The following CSMD1 variants were observed in gnomAD, a reference collection of about 807,000 sequenced individuals.
CSMD1 encodes CUB and Sushi multiple domains 1.
Under a neutral mutation model 417.5 loss-of-function variants are expected in CSMD1, and 213 were observed. The observed-to-expected ratio is 0.51, with a 90% confidence interval of 0.46 to 0.57. The LOEUF is 0.57. CSMD1 is among the 20% of genes least tolerant of loss of function. The pLI is 0.00. For missense variants in CSMD1, 6,923 were observed against 4,529.7 expected, an observed-to-expected ratio of 1.53 and a Z score of -15.17; for synonymous variants, 2,862 against 1,736.8, an observed-to-expected ratio of 1.65 and a Z score of -16.11.
intron 2 of CSMD1, among the ~76,000 whole-genome samples, chr8:4,456,985 T>TTTAA (rs71207092): frequency 0.017 from 2,375 of 138,752 alleles, 37 homozygotes; most frequent in East Asian, 0.039. Context: ...GGTTTTTTTT[T>TTTAA]AAAAAAAAAA....
chr8:3,166,608 G>A (rs948977274), intron 37 of CSMD1, among the ~76,000 whole-genome samples: 5 of 152,108 alleles, frequency 3.3e-5, no homozygotes, highest in African/African-American at 7.2e-5. Flanking sequence ...TTAGAAGAAC[G>A]ATGTTTGCAT....
chr8:4,661,185 C>G (rs2126877), intron 1 of CSMD1, among the ~76,000 whole-genome samples: 4 of 152,100 alleles, frequency 2.6e-5, no homozygotes, highest in Non-Finnish European at 5.9e-5. Flanking sequence ...GCAGCGTTAT[C>G]TGGAATAAGC....
intron 2 of CSMD1, among the ~76,000 whole-genome samples, chr8:4,423,009 G>A (rs566375013): frequency 6.6e-6 from 1 of 152,092 alleles, no homozygotes; most frequent in South Asian, 2.1e-4. Flanking sequence ...AGTAACATAT[G>A]ATTGGAAGGA....
chr8:4,287,949 A>G (rs996627792), intron 3 of CSMD1, among the ~76,000 whole-genome samples: 4 of 152,120 alleles, frequency 2.6e-5, no homozygotes, highest in Non-Finnish European at 5.9e-5. Context: ...ACTTTTCTCC[A>G]GATAGCAAAT....
At chr8:4,363,948 A>G (rs1801923320) in intron 3 of CSMD1, among the ~76,000 whole-genome samples, 1 of 152,190 alleles carries the variant, frequency 6.6e-6, no homozygotes, top group African/African-American at 2.4e-5. Context: ...ACAAGTACAA[A>G]AAAGAAAGAA....
chr8:4,805,766 A>G (rs1004809817), intron 1 of CSMD1, among the ~76,000 whole-genome samples: 12 of 152,190 alleles, frequency 7.9e-5, no homozygotes. Context: ...CCATTAATGA[A>G]TACAGGATGA....
chr8:4,125,813 G>A lies in CSMD1; in HGVS notation c.416-93714C>T, dbSNP rs188223729. ...AATTGATCAATTGATAACAGCCCAA[G>A]AAGACCCCCATCTTACCTGGTGTCC... On this transcript the variant is annotated intron_variant, in intron 3 of 69. Coordinates refer to ENST00000635120, the MANE Select transcript of CSMD1 (RefSeq NM_033225.6). 2.6e-4 allele frequency among the ~76,000 whole-genome samples: 39 copies of A among 152,242 alleles called. No homozygotes were observed. The East Asian group carries it at 6.2e-3, about 24-fold the overall frequency.
intron 2 of CSMD1, among the ~76,000 whole-genome samples, chr8:4,444,819 A>G (rs973106459): frequency 6.6e-6 from 1 of 152,204 alleles, no homozygotes; most frequent in African/African-American, 2.4e-5. Flanking sequence ...TTGTGACCTC[A>G]GCCACAAGCC....
Position 3,586,251 on chromosome 8 carries a change from T to C in CSMD1, c.1107A>G (p.Ala369=). The stretch of plus-strand genomic sequence containing the variant: ...TGTCCTCACATGAAAACTGTACATT[T>C]GCACCAACCCTAAGCCGTTAAAAAA... ...RRAGSDFRVG[A]NVQFSCEDNY... Residue 369 remains alanine (A), a synonymous_variant, in exon 9 of 70, where the codon GCA becomes GCG. Coordinates refer to ENST00000635120, the MANE Select transcript of CSMD1 (RefSeq NM_033225.6). 2 of 1,606,272 alleles carry C rather than the reference T, an allele frequency of 1.2e-6. No individual in the cohort carries two copies. The highest frequency in any genetic ancestry group is 1.7e-6 in the Non-Finnish European group (2 of 1,177,684).
intron 68 of CSMD1, 29 bp from the exon 69 acceptor site, chr8:2,942,633 T>C: frequency 6.5e-7 from 1 of 1,528,106 alleles, no homozygotes; most frequent in Non-Finnish European, 8.8e-7. Context: ...ATTAAATTTG[T>C]TGTTACTGTA....
At chr8:2,977,301 C>G (rs1205811366) in intron 55 of CSMD1, among the ~76,000 whole-genome samples, 1 of 152,062 alleles carries the variant, frequency 6.6e-6, no homozygotes, top group Non-Finnish European at 1.5e-5. Flanking sequence ...TGTTGGTCCT[C>G]TCCCTGTGTC....
At chr8:4,051,327 T>C (rs973015301) in intron 3 of CSMD1, among the ~76,000 whole-genome samples, 1 of 142,828 alleles carries the variant, frequency 7.0e-6, no homozygotes, top group African/African-American at 2.9e-5. Context: ...AAAAAAGATA[T>C]GTACAAGTAA....
At chr8:3,645,577 G>A (rs1309380986) in intron 7 of CSMD1, among the ~76,000 whole-genome samples, 1 of 152,128 alleles carries the variant, frequency 6.6e-6, no homozygotes, top group African/African-American at 2.4e-5. Flanking sequence ...TCTTCTGCAA[G>A]GGATCATGGG....
chr8:3,196,773 G>A (rs574856758), intron 33 of CSMD1, among the ~76,000 whole-genome samples: 1 of 152,224 alleles, frequency 6.6e-6, no homozygotes, highest in South Asian at 2.1e-4. Flanking sequence ...TCTCCATACT[G>A]CTCCTTCCAT....
At chr8:4,936,327 C>G (rs910393365) in intron 1 of CSMD1, among the ~76,000 whole-genome samples, 7 of 151,966 alleles carry the variant, frequency 4.6e-5, no homozygotes, top group African/African-American at 1.7e-4. Context: ...CAAACAGGGA[C>G]AGGAAAAAAC....
rs532048038 is a variant in CSMD1 at position 3,764,902 on chromosome 8, C to T, written c.819-10860G>A. ...GTTGGGATTAAGGTGACTGCCACCA[C>T]ACCCAGCTCATTTTCGTATTTTTAG... On this transcript the variant is annotated intron_variant, in intron 5 of 69. Transcript: ENST00000635120. Among the ~76,000 whole-genome samples the T allele has an allele frequency of 8.6e-5, 13 of 151,980 alleles. No individual in the cohort carries two copies. In the South Asian group the frequency reaches 1.5e-3, roughly 17 times the overall value.
intron 1 of CSMD1, among the ~76,000 whole-genome samples, chr8:4,889,147 C>T (rs761905316): frequency 2.6e-5 from 4 of 152,000 alleles, no homozygotes; most frequent in Non-Finnish European, 5.9e-5. Context: ...TCATTAATCA[C>T]AAAAAGAACA....
intron 59 of CSMD1, among the ~76,000 whole-genome samples, chr8:2,964,196 C>T (rs1461882049): frequency 3.3e-5 from 5 of 152,230 alleles, no homozygotes; most frequent in African/African-American, 1.2e-4. Flanking sequence ...AAAAGAACAA[C>T]CGCTTGCATT....
chr8:4,632,673 G>C (rs192026540), intron 2 of CSMD1, among the ~76,000 whole-genome samples: 2 of 152,190 alleles, frequency 1.3e-5, no homozygotes, highest in Non-Finnish European at 2.9e-5. Context: ...CTTCAGGGCA[G>C]GTGTGAGTTC....
Sources: allele counts gnomAD v4.1 joint callset (sites outside exome capture counted in the v4.1 genomes callset), GRCh38; gene constraint gnomAD v4.1.1; transcripts MANE v1.5; gene names NCBI Gene and HGNC (gene_info 2026-07-23, HGNC 2026-07-21).